Variants in CHODL observed in about 807,000 individuals in gnomAD.
The protein encoded by CHODL is transmembrane protein MT75.
CHODL carries 29 observed loss-of-function variants against 34.5 expected under a neutral mutation model. The observed-to-expected ratio is 0.84, with a 90% confidence interval of 0.63 to 1.15. CHODL has a LOEUF of 1.15. Among genes scored for constraint, CHODL ranks in the 50% most tolerant of loss-of-function variants. The pLI is 0.00. For missense variants in CHODL, 332 were observed against 332.5 expected (o/e 1.00, Z 0.01); for synonymous variants, 125 against 116.1 (o/e 1.08, Z -0.49).
At chr21:17,929,464 T>C (rs901127936) in intron 1 of CHODL, among the ~76,000 whole-genome samples, 1 of 152,218 alleles carries the variant, frequency 6.6e-6, no homozygotes, top group Non-Finnish European at 1.5e-5. Flanking sequence ...ACACTTTGAA[T>C]AGATCATCTA....
rs1406983007 is a variant in CHODL, at chr21:17,950,137, CA to C, written c.-145+32740del. On this transcript the variant is annotated intron_variant, in intron 1 of 6. Transcript: ENST00000400127. The stretch of plus-strand genomic sequence containing the variant: ...AACAACAATATTGAACTTATTAAAA[CA>C]AAGCTATGAGAAGAAATAGACCAGT... Among the ~76,000 whole-genome samples, 5 of 152,002 alleles carry C rather than the reference CA, an allele frequency of 3.3e-5. No homozygotes were observed. In the East Asian group the frequency reaches 9.6e-4, roughly 29 times the overall value.
intron 2 of CHODL, among the ~76,000 whole-genome samples, chr21:18,193,709 AATAAAAT>A (rs1192166047): frequency 1.4e-5 from 2 of 143,078 alleles, no homozygotes; most frequent in African/African-American, 5.3e-5. Flanking sequence ...AAAAAAAAAA[AATAAAAT>A]AAATAAATAA....
At chr21:18,006,873 G>A (rs1029341835) in intron 1 of CHODL, among the ~76,000 whole-genome samples, 2 of 152,208 alleles carry the variant, frequency 1.3e-5, no homozygotes, top group Non-Finnish European at 2.9e-5. Context: ...CACTTAAGCA[G>A]CTTGGTGCCT....
At chr21:18,019,946 A>G (rs1411917945) in intron 1 of CHODL, among the ~76,000 whole-genome samples, 1 of 152,060 alleles carries the variant, frequency 6.6e-6, no homozygotes, top group Non-Finnish European at 1.5e-5. Flanking sequence ...CCCACATTCT[A>G]TTGACCAAAA....
rs774857450 is a variant in CHODL, at chr21:17,955,991, A to G, written c.-145+38591A>G. Among the ~76,000 whole-genome samples the G allele has an allele frequency of 1.7e-4, 24 of 137,182 alleles. 3 individuals carry two copies. Among genetic ancestry groups the G allele is most frequent in the Non-Finnish European group, 5.0e-5 (3 of 60,324 alleles). 90.0% of individuals were successfully genotyped at this position (137,182 alleles called of 152,430 possible). A position where few individuals can be genotyped will look rare whatever the true frequency, so the allele number is the denominator to read the frequency against. On this transcript the variant is annotated intron_variant, in intron 1 of 6. Coordinates refer to the CHODL transcript ENST00000400127. The stretch of plus-strand genomic sequence containing the variant: ...GGAAGAAAAAGATTTTGAGGAGTTC[A>G]TATAACTTTCAGGGAGTCTTTTCAT...
At chr21:18,162,218 T>G (rs548979755) in intron 2 of CHODL, among the ~76,000 whole-genome samples, 1 of 152,264 alleles carries the variant, frequency 6.6e-6, no homozygotes, top group Non-Finnish European at 1.5e-5. Flanking sequence ...ACAACAGAAA[T>G]TTATTGTCTC....
chr21:18,193,895 A>G (rs2073549014), intron 2 of CHODL, among the ~76,000 whole-genome samples: 1 of 151,988 alleles, frequency 6.6e-6, no homozygotes, highest in African/African-American at 2.4e-5. Flanking sequence ...CTCGCCCTAG[A>G]AACCTGCCCC....
chr21:18,046,014 A>T (rs1027886713), intron 2 of CHODL, among the ~76,000 whole-genome samples: 6 of 152,014 alleles, frequency 3.9e-5, no homozygotes, highest in Non-Finnish European at 7.4e-5. Context: ...GTATCTTGTT[A>T]TAGAAGCACA....
intron 1 of CHODL, chr21:18,245,961 C>A: frequency 6.5e-7 from 1 of 1,533,344 alleles, no homozygotes; most frequent in Non-Finnish European, 8.7e-7. Context: ...ACTGCAGGTT[C>A]GGCACACAGT....
intron 2 of CHODL, among the ~76,000 whole-genome samples, chr21:18,042,796 T>C (rs1219190803): frequency 6.6e-6 from 1 of 151,966 alleles, no homozygotes; most frequent in East Asian, 1.9e-4. Flanking sequence ...GACACGAATA[T>C]GCAAAATTGT....
intron 2 of CHODL, among the ~76,000 whole-genome samples, chr21:18,078,435 G>A (rs1411715248): frequency 6.6e-6 from 1 of 152,100 alleles, no homozygotes; most frequent in African/African-American, 2.4e-5. Flanking sequence ...CACGACATGT[G>A]GGGATTATGG....
intron 1 of CHODL, among the ~76,000 whole-genome samples, chr21:17,992,600 C>CT (rs1252828055): frequency 2.0e-5 from 3 of 148,064 alleles, no homozygotes; most frequent in South Asian, 2.1e-4. Flanking sequence ...TTCTTGATGT[C>CT]TTTTTTTAGA....
intron 1 of CHODL, among the ~76,000 whole-genome samples, chr21:18,246,301 A>C (rs1346905608): frequency 1.3e-5 from 2 of 152,180 alleles, no homozygotes; most frequent in Admixed American, 1.3e-4. Context: ...TTAAAACATA[A>C]AAAGCACAAA....
intron 1 of CHODL, among the ~76,000 whole-genome samples, chr21:17,967,201 G>A (rs2063579406): frequency 6.6e-6 from 1 of 151,854 alleles, no homozygotes; most frequent in Non-Finnish European, 1.5e-5. Context: ...GCTTCTTTAT[G>A]GCCATCAGAT....
At chr21:17,927,078 CTG>C (rs1373128841) in intron 1 of CHODL, among the ~76,000 whole-genome samples, 7 of 142,940 alleles carry the variant, frequency 4.9e-5, no homozygotes, top group Non-Finnish European at 7.5e-5. Flanking sequence ...ATATGTATAT[CTG>C]TGTGTATGTA....
intron 1 of CHODL, among the ~76,000 whole-genome samples, chr21:18,251,386 T>TTTTTTATTATAAAAAATA (rs1568957244): frequency 1.1e-4 from 13 of 115,406 alleles, no homozygotes; most frequent in African/African-American, 5.2e-4. Flanking sequence ...TGTATTTTAT[T>TTTTTTATTATAAAAAATA]TGTTTTAATA....
In CHODL at chr21:18,260,253, G is replaced by A. The variant is rs373089615; in HGVS notation, c.601G>A (p.Asp201Asn). The A allele has an allele frequency of 3.2e-6, 5 of 1,585,514 alleles. No individual in the cohort carries two copies. Among genetic ancestry groups the A allele is most frequent in the African/African-American group, 1.4e-5 (1 of 73,022 alleles). Residue 201 changes from aspartate to asparagine, a missense_variant, in exon 4 of 6, where the codon GAC becomes AAC. Asp to Asn is a conservative substitution (Grantham distance 23). Coordinates refer to ENST00000299295, the MANE Select transcript of CHODL (RefSeq NM_024944.3). Reference sequence around the variant, plus strand: ...GCCTTATCTTACAAATCAACCAGGAGACACCCATCAGAATGTGGTTGTTAC... The same window carrying A: ...GCCTTATCTTACAAATCAACCAGGAAACACCCATCAGAATGTGGTTGTTAC... ...EKPYLTNQPG[D>N]THQNVVVTEA... is the part of the protein sequence containing the mutation.
At chr21:18,264,901 G>C (rs2074433037) in intron 5 of CHODL, among the ~76,000 whole-genome samples, 1 of 152,010 alleles carries the variant, frequency 6.6e-6, no homozygotes, top group Non-Finnish European at 1.5e-5. Context: ...CTTAGGTGCA[G>C]AGCCGGAGAA....
At chr21:18,192,687 A>G (rs2073525141) in intron 2 of CHODL, among the ~76,000 whole-genome samples, 1 of 152,162 alleles carries the variant, frequency 6.6e-6, no homozygotes, top group Non-Finnish European at 1.5e-5. Flanking sequence ...CTTTGGCTAA[A>G]GGTTTTAGTA....
Sources: allele counts gnomAD v4.1 joint callset (sites outside exome capture counted in the v4.1 genomes callset), GRCh38; gene constraint gnomAD v4.1.1; transcripts MANE v1.5; gene names NCBI Gene and HGNC (gene_info 2026-07-23, HGNC 2026-07-21).